The following WDR93 variants were observed in gnomAD, a reference collection of about 807,000 sequenced individuals.
WDR93 encodes WD repeat-containing protein 93.
Under a neutral mutation model 82.9 loss-of-function variants are expected in WDR93, and 73 were observed. The observed-to-expected ratio is 0.88, with a 90% CI of 0.73 to 1.07. The LOEUF is 1.07. Among genes scored for constraint, WDR93 ranks in the 50% least tolerant of loss-of-function variants. The probability of loss-of-function intolerance (pLI) is 0.00; values close to 1 mark genes in which losing one functional copy is unlikely to be tolerated. For missense variants in WDR93, 738 were observed against 826.0 expected, an observed-to-expected ratio of 0.89 and a Z score of 1.31; for synonymous variants, 283 against 300.1, an observed-to-expected ratio of 0.94 and a Z score of 0.59.
At chr15:89,704,952 A>G (rs1309501905) in intron 3 of WDR93, 1 of 153,914 alleles carries the variant, frequency 6.5e-6, no homozygotes, top group Non-Finnish European at 1.4e-5. Flanking sequence ...GTTATATTAT[A>G]GTATAGAGAG....
intron 16 of WDR93, among the ~76,000 whole-genome samples, chr15:89,738,678 T>C (rs1264103920): frequency 2.0e-5 from 3 of 149,192 alleles, no homozygotes; most frequent in Non-Finnish European, 1.5e-5. Context: ...TTCTACCCCA[T>C]GATAGCCCAT....
intron 14 of WDR93, 90 bp downstream of exon 14, chr15:89,735,643 G>GA: frequency 7.3e-7 from 1 of 1,372,822 alleles, no homozygotes; most frequent in Non-Finnish European, 1.0e-6. Flanking sequence ...AATGCTTATT[G>GA]AAGGCCTGTT....
intron 1 of WDR93, among the ~76,000 whole-genome samples, chr15:89,694,525 G>A (rs1453094756): frequency 2.6e-5 from 4 of 152,096 alleles, no homozygotes; most frequent in Non-Finnish European, 1.5e-5. Context: ...GTGAGCCACT[G>A]CACCCGGCCG....
intron 1 of WDR93, among the ~76,000 whole-genome samples, chr15:89,693,530 A>T (rs1965005831): frequency 6.6e-6 from 1 of 152,232 alleles, no homozygotes. Flanking sequence ...GGACAGGCCT[A>T]TGCAAACCTA....
chr15:89,739,030 T>C lies in WDR93; in HGVS notation c.1961+794T>C, dbSNP rs148899280. 2.0e-5 allele frequency among the ~76,000 whole-genome samples: 3 copies of C among 151,580 alleles called. No individual in the cohort carries two copies. In the East Asian group the frequency reaches 5.9e-4, roughly 30 times the overall value. Reference sequence around the variant, plus strand: ...TCTGGAGGCTGAGGTGGGGGAGAATTGCTTGAACCTGGGAGGCAGAGGATG... The same window carrying C: ...TCTGGAGGCTGAGGTGGGGGAGAATCGCTTGAACCTGGGAGGCAGAGGATG... On this transcript the variant is annotated intron_variant, in intron 16 of 16. Transcript: ENST00000268130.
At chr15:89,718,184 T>A (rs899587305) in intron 7 of WDR93, among the ~76,000 whole-genome samples, 11 of 151,784 alleles carry the variant, frequency 7.2e-5, no homozygotes, top group African/African-American at 2.2e-4. Context: ...CTACAAAAAA[T>A]ACAAAAAATG....
chr15:89,726,442 C>T (rs966477219), intron 8 of WDR93, among the ~76,000 whole-genome samples: 2 of 152,160 alleles, frequency 1.3e-5, no homozygotes, highest in Non-Finnish European at 2.9e-5. Context: ...TGGTGTCTGC[C>T]TCTAGAAAAT....
intron 10 of WDR93, 61 bp from the exon 11 acceptor site, chr15:89,729,622 G>T (rs929584242): frequency 3.9e-5 from 52 of 1,346,436 alleles, no homozygotes; most frequent in Non-Finnish European, 5.3e-5. Context: ...CAAACCAAAG[G>T]CCACCCAGAT....
At chr15:89,693,675 G>A (rs1596058784) in intron 1 of WDR93, among the ~76,000 whole-genome samples, 1 of 152,172 alleles carries the variant, frequency 6.6e-6, no homozygotes, top group African/African-American at 2.4e-5. Context: ...AAGACAAGAT[G>A]GTGGATCCCT....
intron 16 of WDR93, among the ~76,000 whole-genome samples, chr15:89,742,793 A>G (rs1235192895): frequency 6.6e-6 from 1 of 152,146 alleles, no homozygotes; most frequent in East Asian, 1.9e-4. Context: ...TTGGCCTCCC[A>G]AAGTGCTGGG....
At chr15:89,709,232 G>GA (rs1286555512) in intron 4 of WDR93, among the ~76,000 whole-genome samples, 1 of 152,202 alleles carries the variant, frequency 6.6e-6, no homozygotes, top group Non-Finnish European at 1.5e-5. Context: ...TAGATGTCCA[G>GA]AAAATCCTAA....
intron 7 of WDR93, 95 bp downstream of exon 7, chr15:89,717,044 T>TA (rs1966288991): frequency 8.4e-4 from 438 of 521,656 alleles, no homozygotes; most frequent in Middle Eastern, 1.2e-3. Flanking sequence ...TCTTTTTCTT[T>TA]CTTTTTTTTT....
At chr15:89,707,422 GC>G (rs1305978673) in intron 4 of WDR93, among the ~76,000 whole-genome samples, 1 of 151,930 alleles carries the variant, frequency 6.6e-6, no homozygotes, top group Non-Finnish European at 1.5e-5. Context: ...ATGGTGGCAG[GC>G]GCCTATATCC....
At chr15:89,729,462 T>G in intron 10 of WDR93, among the ~76,000 whole-genome samples, 1 of 151,984 alleles carries the variant, frequency 6.6e-6, no homozygotes, top group Non-Finnish European at 1.5e-5. Flanking sequence ...GTCCTCCCTA[T>G]GCAAGAAGGC....
chr15:89,700,785 G>A (rs926612545), intron 1 of WDR93, among the ~76,000 whole-genome samples: 1 of 150,412 alleles, frequency 6.6e-6, no homozygotes, highest in Non-Finnish European at 1.5e-5. Context: ...TCAAACTCCT[G>A]GCCTCAAGCA....
chr15:89,695,236 C>T (rs1965109196), intron 1 of WDR93, among the ~76,000 whole-genome samples: 1 of 151,914 alleles, frequency 6.6e-6, no homozygotes, highest in Admixed American at 6.6e-5. Context: ...GACATTTTAA[C>T]AAAATTGAGT....
Position 89,737,694 on chromosome 15 carries a change from CTG to C in WDR93, c.1734_1735del (p.Pro580ArgfsTer14), listed in dbSNP as rs1248659170. 1 of 1,614,176 alleles carries C rather than the reference CTG, an allele frequency of 6.2e-7. No individual in the cohort carries two copies. The highest frequency in any genetic ancestry group is 1.3e-5 in the African/African-American group (1 of 75,038). ...GAGGTCCCCTGGAAGCCAGTGTTTG[CTG>C]TGTCTCCAGACCATCCATGTTTCCT... On this transcript the variant is annotated frameshift_variant, in exon 15 of 17. Coordinates refer to ENST00000268130, the MANE Select transcript of WDR93 (RefSeq NM_020212.2). LOFTEE classifies it high-confidence loss of function.
intron 11 of WDR93, among the ~76,000 whole-genome samples, chr15:89,730,875 C>A (rs1299752703): frequency 2.6e-5 from 4 of 151,644 alleles, no homozygotes; most frequent in African/African-American, 9.7e-5. Flanking sequence ...GACAGTGAGG[C>A]CCTGTCTCAA....
At chr15:89,730,944 G>A (rs868327934) in intron 11 of WDR93, among the ~76,000 whole-genome samples, 1 of 151,376 alleles carries the variant, frequency 6.6e-6, no homozygotes, top group Non-Finnish European at 1.5e-5. Flanking sequence ...ATAATTCCTT[G>A]AACTGTACAC....
Sources: allele counts gnomAD v4.1 joint callset (sites outside exome capture counted in the v4.1 genomes callset), GRCh38; gene constraint gnomAD v4.1.1; transcripts MANE v1.5; gene names NCBI Gene and HGNC (gene_info 2026-07-23, HGNC 2026-07-21).